TNFSF14: variants seen among roughly 807,000 people sequenced by gnomAD.
TNFSF14 encodes TNF superfamily member 14.
A neutral mutation model predicts 22.7 loss-of-function variants in TNFSF14; 15 were observed. The ratio of observed to expected loss-of-function variants is 0.66; its 90% CI spans 0.44 to 1.02. The LOEUF is 1.02. TNFSF14 is among the 50% of genes least tolerant of loss of function. The pLI is 0.00. For synonymous variants in TNFSF14, 133 were observed against 139.6 expected (o/e 0.95, Z 0.33); for missense variants, 287 against 326.2 (o/e 0.88, Z 0.93).
chr19:6,667,258 C>A, intron 2 of TNFSF14, 104 bp from the exon 3 acceptor site: 3 of 1,441,064 alleles, frequency 2.1e-6, no homozygotes, highest in Admixed American at 5.4e-5. Flanking sequence ...CCCACCCCTT[C>A]CGGAGTGACC....
At chr19:6,670,535 A>C, upstream of TNFSF14, 3 of 160,672 alleles carry the variant, frequency 1.9e-5, no homozygotes, top group Non-Finnish European at 1.4e-5. Context: ...AGAAAATAAT[A>C]CGTTGTGGGT....
chr19:6,665,431 C>T (rs1917388002), intron 3 of TNFSF14, 81 bp from the exon 4 acceptor site: 1 of 1,404,394 alleles, frequency 7.1e-7, no homozygotes, highest in Non-Finnish European at 9.4e-7. Context: ...TTGTTTGACA[C>T]AGAGTCTCGC....
rs1917349323 is a variant in TNFSF14 at position 6,664,650 on chromosome 19, C to G, written c.*276G>C. 3.5e-6 allele frequency: 1 copy of G among 282,228 alleles called. No homozygotes were observed. Among genetic ancestry groups the G allele is most frequent in the Non-Finnish European group, 6.7e-6 (1 of 148,412 alleles). 17.5% of individuals were successfully genotyped at this position (282,228 alleles called of 1,614,324 possible). A position where few individuals can be genotyped will look rare whatever the true frequency, so the allele number is the denominator to read the frequency against. On this transcript the variant is annotated 3_prime_UTR_variant, in exon 4 of 4. Transcript: ENST00000675206. The surrounding 1 kb of genome is among the most constrained non-coding windows in gnomAD (Gnocchi z 4.7). ...GCCTCCCGGGTTTAAGCAAAATTAT[C>G]CTGCCTCAGCCTCCTGAGTAGCTGG...
chr19:6,665,127 G>A lies in TNFSF14; in HGVS notation c.522C>T (p.Pro174=), dbSNP rs141976417. 2.5e-4 allele frequency: 406 copies of A among 1,613,946 alleles called. 1 individual carries two copies. Among genetic ancestry groups the A allele is most frequent in the Non-Finnish European group, 2.9e-4 (347 of 1,179,896 alleles). ...HGLYKRTPRY[P]EELELLVSQQ... ...GGCTGACCAACAGCTCCAGCTCCTC[G>A]GGGTAGCGGGGTGTGCGCTTGTAGA... Residue 174 remains proline (P), a synonymous_variant, in exon 4 of 4, where the codon CCC becomes CCT. Transcript: ENST00000675206.
intron 1 of TNFSF14, 82 bp downstream of exon 1, chr19:6,669,769 C>G (rs1390589101): frequency 4.5e-6 from 7 of 1,541,152 alleles, no homozygotes; most frequent in East Asian, 2.3e-5. Flanking sequence ...CACACACACA[C>G]ACACAGACAC....
At position 6,663,005 on chromosome 19, in the gene TNFSF14, C is replaced by A. The variant is rs1320049502; in HGVS notation, c.*1921G>T. On this transcript the variant is annotated 3_prime_UTR_variant, in exon 4 of 4. Coordinates refer to ENST00000675206, the MANE Select transcript of TNFSF14 (RefSeq NM_001376887.1). ...TCCATGGGTCATTACCTCCATCCCT[C>A]TGCCTCTAGGAGCCACCACTTGTTG... The A allele has an allele frequency of 6.6e-6, 1 of 152,236 alleles. No individual in the cohort carries two copies. The highest frequency in any genetic ancestry group is 2.4e-5 in the African/African-American group (1 of 41,446). 9.4% of individuals were successfully genotyped at this position (152,236 alleles called of 1,614,324 possible).
chr19:6,667,248 C>G, intron 2 of TNFSF14, 94 bp from the exon 3 acceptor site: 1 of 1,447,406 alleles, frequency 6.9e-7, no homozygotes, highest in Non-Finnish European at 9.2e-7. Context: ...TGGAATCAAC[C>G]CCACCCCTTC....
Position 6,669,861 on chromosome 19 carries a change from G to A in TNFSF14, c.209C>T (p.Thr70Ile). The A allele has an allele frequency of 6.2e-7, 1 of 1,612,226 alleles. No homozygotes were observed. Among genetic ancestry groups the A allele is most frequent in the Admixed American group, 1.7e-5 (1 of 59,984 alleles). Residue 70 changes from threonine (T) to isoleucine (I), a missense_variant, in exon 1 of 4, where the codon ACC becomes ATC. Thr to Ile is a moderately conservative substitution (Grantham distance 89). Transcript: ENST00000675206. ...CCCGGTCCCACTCACAGGCAGGCGG[G>A]TGACCATCTCTCCTAGACGCCAGTG... ...QLHWRLGEMV[T>I]RLPDGPAGSW... is the part of the protein sequence containing the mutation.
At chr19:6,668,837 C>T (rs945819096) in intron 1 of TNFSF14, among the ~76,000 whole-genome samples, 1 of 152,196 alleles carries the variant, frequency 6.6e-6, no homozygotes, top group African/African-American at 2.4e-5. Flanking sequence ...GGCTCAGATG[C>T]GTGGACATGT....
At chr19:6,670,328 G>T, upstream of TNFSF14, 1 of 1,299,108 alleles carries the variant, frequency 7.7e-7, no homozygotes, top group Admixed American at 3.2e-5. Flanking sequence ...TGTGACTCAG[G>T]TGGCAAGTGC....
Position 6,664,996 on chromosome 19 carries a change from C to G in TNFSF14, c.653G>C (p.Arg218Pro). Reference protein sequence around the residue: ...HLEAGEKVVVRVLDERLVRLR... With the variant: ...HLEAGEKVVVPVLDERLVRLR... Reference sequence around the variant, plus strand: ...TCGAACCAGGCGTTCATCCAGCACACGGACGACCACCTTCTCCCCAGCCTC... The same window carrying G: ...TCGAACCAGGCGTTCATCCAGCACAGGGACGACCACCTTCTCCCCAGCCTC... The change falls in exon 4 of 4, where the codon CGT becomes CCT. Residue 218 changes from arginine (R) to proline (P), a missense_variant. Coordinates refer to ENST00000675206, the MANE Select transcript of TNFSF14 (RefSeq NM_001376887.1). The surrounding 1 kb of genome is among the most constrained non-coding windows in gnomAD (Gnocchi z 4.7). The G allele has an allele frequency of 6.2e-7, 1 of 1,613,518 alleles. No homozygotes were observed.
intron 1 of TNFSF14, 74 bp from the exon 2 acceptor site, chr19:6,667,523 A>G: frequency 3.3e-6 from 5 of 1,512,760 alleles, no homozygotes; most frequent in Non-Finnish European, 4.4e-6. Context: ...ACACATGGCT[A>G]TGAGACATGA....
chr19:6,669,489 TAAA>T (rs371930409), intron 1 of TNFSF14, among the ~76,000 whole-genome samples: 44 of 151,838 alleles, frequency 2.9e-4, no homozygotes, highest in African/African-American at 9.2e-4. Flanking sequence ...GTCTCAAAAA[TAAA>T]AAAGTACAGA....
chr19:6,663,741 T>A lies in TNFSF14; in HGVS notation c.*1185A>T, dbSNP rs1455756323. ...GAATCTGGCACTTCGCGTGTATGAGTCTATAGTTGTGAAAGAGTGGCTGAG... is the reference window on the plus strand; with the variant it reads ...GAATCTGGCACTTCGCGTGTATGAGACTATAGTTGTGAAAGAGTGGCTGAG... On this transcript the variant is annotated 3_prime_UTR_variant, in exon 4 of 4. Coordinates refer to ENST00000675206, the MANE Select transcript of TNFSF14 (RefSeq NM_001376887.1). 6.6e-6 allele frequency: 1 copy of A among 152,346 alleles called. No homozygotes were observed. The highest frequency in any genetic ancestry group is 2.4e-5 in the African/African-American group (1 of 41,400). 9.4% of individuals were successfully genotyped at this position (152,346 alleles called of 1,614,324 possible).
At chr19:6,665,812 T>TGTGTGA (rs1917408759) in intron 3 of TNFSF14, among the ~76,000 whole-genome samples, 1 of 151,250 alleles carries the variant, frequency 6.6e-6, no homozygotes, top group Admixed American at 6.6e-5. Flanking sequence ...TGTGTGTGTG[T>TGTGTGA]GTGTGTGTTT....
chr19:6,661,486 G>A lies in TNFSF14; in HGVS notation c.*3440C>T, dbSNP rs1015376889. ...TGCAGGGGCTTTAAATCTATCACAA[G>A]GTGATAGACGCGGGGGCTTTGGGTG... On this transcript the variant is annotated 3_prime_UTR_variant, in exon 4 of 4. Coordinates refer to ENST00000675206, the MANE Select transcript of TNFSF14 (RefSeq NM_001376887.1). The A allele has an allele frequency of 2.0e-5, 3 of 152,202 alleles. No homozygotes were observed. The highest frequency in any genetic ancestry group is 7.2e-5 in the African/African-American group (3 of 41,456). 9.4% of individuals were successfully genotyped at this position (152,202 alleles called of 1,614,324 possible). A position where few individuals can be genotyped will look rare whatever the true frequency, so the allele number is the denominator to read the frequency against.
Position 6,664,762 on chromosome 19 carries a change from A to G in TNFSF14, c.*164T>C. 1.2e-6 allele frequency: 1 copy of G among 803,146 alleles called. No homozygotes were observed. Among genetic ancestry groups the G allele is most frequent in the Non-Finnish European group, 1.9e-6 (1 of 520,438 alleles). The allele number at this position is 803,146 out of a possible 1,614,324, so 49.8% of individuals were successfully genotyped here. A position where few individuals can be genotyped will look rare whatever the true frequency, so the allele number is the denominator to read the frequency against. On this transcript the variant is annotated 3_prime_UTR_variant, in exon 4 of 4. Coordinates refer to ENST00000675206, the MANE Select transcript of TNFSF14 (RefSeq NM_001376887.1). This position sits in a 1 kb window ranked among gnomAD's most constrained non-coding sequence, Gnocchi z 4.7. ...GCCATGTTAGCCAGGCTGGTCTCGA[A>G]CTCCTGACCTCAGGTGATCCGCCTG...
rs1339836286 is a variant in TNFSF14, at chr19:6,662,043, GTT to G, written c.*2881_*2882del. The G allele has an allele frequency of 6.6e-6, 1 of 152,124 alleles. No homozygotes were observed. The highest frequency in any genetic ancestry group is 1.5e-5 in the Non-Finnish European group (1 of 68,068). 9.4% of individuals were successfully genotyped at this position (152,124 alleles called of 1,614,324 possible). ...CAAAGAGTTTCAGATTTTGGAGCAT[GTT>G]TTTTTGTTTTTTGAGATGGGAGCCT... On this transcript the variant is annotated 3_prime_UTR_variant, in exon 4 of 4. Transcript: ENST00000675206.
chr19:6,665,101 T>C lies in TNFSF14; in HGVS notation c.548A>G (p.Gln183Arg). 5.0e-6 allele frequency: 8 copies of C among 1,614,058 alleles called. No homozygotes were observed. The highest frequency in any genetic ancestry group is 6.8e-6 in the Non-Finnish European group (8 of 1,179,928). The stretch of plus-strand genomic sequence containing the variant: ...GGTGGCCCGTCCGCAGGGTGACTGC[T>C]GGCTGACCAACAGCTCCAGCTCCTC... ...YPEELELLVS[Q>R]QSPCGRATSS... The change falls in exon 4 of 4, where the codon CAG (glutamine) becomes CGG (arginine). Residue 183 changes from glutamine to arginine, a missense_variant. Coordinates refer to ENST00000675206, the MANE Select transcript of TNFSF14 (RefSeq NM_001376887.1).
Sources: allele counts gnomAD v4.1 joint callset (sites outside exome capture counted in the v4.1 genomes callset), GRCh38; gene constraint gnomAD v4.1.1; non-coding constraint Gnocchi (gnomAD v3.1); transcripts MANE v1.5; gene names NCBI Gene and HGNC (gene_info 2026-07-23, HGNC 2026-07-21).